The following LRRC37A2 variants were observed in gnomAD, a reference collection of about 807,000 sequenced individuals.
LRRC37A2 encodes leucine-rich repeat-containing protein 37A2.
Under a neutral mutation model 68.8 loss-of-function variants are expected in LRRC37A2, and 9 were observed. The ratio of observed to expected loss-of-function variants is 0.13; its 90% CI spans 0.08 to 0.23. LRRC37A2 has a LOEUF of 0.23. Ranked by LOEUF, LRRC37A2 falls within the 10% of genes least tolerant of loss-of-function variation. LRRC37A2 has a pLI of 1.00. For missense variants in LRRC37A2, 168 were observed against 950.4 expected, an observed-to-expected ratio of 0.18 and a Z score of 10.82; for synonymous variants, 63 against 367.6, an observed-to-expected ratio of 0.17 and a Z score of 9.48.
chr17:46,839,207 G>A, the LRRC37A2 span, among the ~76,000 whole-genome samples: 1 of 152,190 alleles, frequency 6.6e-6, no homozygotes, highest in Non-Finnish European at 1.5e-5. Flanking sequence ...ATTTCCAAGA[G>A]TTTCAAAGAT....
At chr17:46,824,604 G>A in the LRRC37A2 span, among the ~76,000 whole-genome samples, 15 of 152,194 alleles carry the variant, frequency 9.9e-5, no homozygotes, top group Non-Finnish European at 4.4e-5. Context: ...TATGTTGTCC[G>A]TCTCCAACTG....
the LRRC37A2 span, among the ~76,000 whole-genome samples, chr17:47,036,513 T>C: frequency 1.3e-5 from 2 of 152,232 alleles, no homozygotes; most frequent in Non-Finnish European, 2.9e-5. Flanking sequence ...TCAATTCTTA[T>C]AATTGTGTGA....
chr17:46,741,199 C>T, the LRRC37A2 span, among the ~76,000 whole-genome samples: 1 of 152,192 alleles, frequency 6.6e-6, no homozygotes, highest in Non-Finnish European at 1.5e-5. Context: ...CCAGGTTTCT[C>T]ATCTGCAAAA....
chr17:46,944,157 C>A, the LRRC37A2 span, among the ~76,000 whole-genome samples: 1 of 152,212 alleles, frequency 6.6e-6, no homozygotes, highest in Non-Finnish European at 1.5e-5. Flanking sequence ...AGGGGACATT[C>A]ATCTTTATTC....
At chr17:46,917,447 C>T in the LRRC37A2 span, among the ~76,000 whole-genome samples, 1 of 152,234 alleles carries the variant, frequency 6.6e-6, no homozygotes, top group African/African-American at 2.4e-5. Context: ...AGAGAATAAT[C>T]TCTGATTCAT....
the LRRC37A2 span, among the ~76,000 whole-genome samples, chr17:46,814,626 C>T: frequency 6.6e-6 from 1 of 152,228 alleles, no homozygotes; most frequent in African/African-American, 2.4e-5. Flanking sequence ...CTCCAGCTAG[C>T]TCAGCTCCTC....
At chr17:47,032,504 C>T in the LRRC37A2 span, among the ~76,000 whole-genome samples, 1 of 152,194 alleles carries the variant, frequency 6.6e-6, no homozygotes, top group Admixed American at 6.5e-5. Context: ...TGAATGATGA[C>T]AATTTGGCTT....
chr17:46,533,649 G>A (rs1490643648), intron 6 of LRRC37A2, among the ~76,000 whole-genome samples: 3 of 63,552 alleles, frequency 4.7e-5, no homozygotes, highest in Non-Finnish European at 7.4e-5. Context: ...CTGCAGGCAC[G>A]TAACACCACA....
the LRRC37A2 span, among the ~76,000 whole-genome samples, chr17:46,836,693 T>G: frequency 6.6e-6 from 1 of 152,198 alleles, no homozygotes; most frequent in Non-Finnish European, 1.5e-5. Context: ...AGAAAGTGAC[T>G]GGCCTTCCTG....
At chr17:46,541,663 TG>T (rs2055345683) in intron 8 of LRRC37A2, among the ~76,000 whole-genome samples, 1 of 150,886 alleles carries the variant, frequency 6.6e-6, no homozygotes, top group Non-Finnish European at 1.5e-5. Flanking sequence ...CAACGAACCA[TG>T]GATGGGGAAT....
chr17:46,977,974 T>C, the LRRC37A2 span, among the ~76,000 whole-genome samples: 1 of 152,242 alleles, frequency 6.6e-6, no homozygotes, highest in Non-Finnish European at 1.5e-5. Context: ...TAGAAAACGA[T>C]TCCCTTTGCC....
chr17:46,872,386 G>A, the LRRC37A2 span: 35 of 1,331,088 alleles, frequency 2.6e-5, no homozygotes, highest in African/African-American at 6.0e-5. Context: ...AAATGGGGAC[G>A]GGACCTCCAG....
At chr17:46,940,857 G>A in the LRRC37A2 span, 1 of 1,433,484 alleles carries the variant, frequency 7.0e-7, no homozygotes, top group Non-Finnish European at 9.1e-7. Context: ...ACACCCAGGG[G>A]CATTGAGACT....
At chr17:46,721,793 A>C in the LRRC37A2 span, 1 of 1,601,598 alleles carries the variant, frequency 6.2e-7, no homozygotes, top group Non-Finnish European at 8.6e-7. Flanking sequence ...GGCATCGTGC[A>C]CAGCTGTCAG....
At chr17:46,768,079 C>T in the LRRC37A2 span, among the ~76,000 whole-genome samples, 23 of 152,202 alleles carry the variant, frequency 1.5e-4, no homozygotes, top group African/African-American at 4.3e-4. The surrounding 1 kb of genome is among the most constrained non-coding windows in gnomAD (Gnocchi z 5.0). Context: ...TGAGCCACCG[C>T]ACCCGGCCAA....
chr17:46,771,997 CGCGCCCCGGGCTGCCCGACCCGCT>C, the LRRC37A2 span, among the ~76,000 whole-genome samples: 14 of 150,966 alleles, frequency 9.3e-5, no homozygotes, highest in Middle Eastern at 3.4e-3. Flanking sequence ...GCGGAAGACG[CGCGCCCCGGGCTGCCCGACCCGCT>C]GCGCCCCGGG....
At chr17:46,933,860 G>A in the LRRC37A2 span, among the ~76,000 whole-genome samples, 1 of 151,634 alleles carries the variant, frequency 6.6e-6, no homozygotes, top group African/African-American at 2.4e-5. Context: ...ACTACTCTCT[G>A]GAGCCTGAGG....
At chr17:46,764,963 T>C in the LRRC37A2 span, among the ~76,000 whole-genome samples, 2 of 152,238 alleles carry the variant, frequency 1.3e-5, no homozygotes, top group South Asian at 4.1e-4. Flanking sequence ...AGTCCCCAAC[T>C]CCAAGTCAAC....
chr17:46,721,751 A>G, the LRRC37A2 span: 40 of 1,604,442 alleles, frequency 2.5e-5, no homozygotes, highest in Middle Eastern at 4.1e-4. Context: ...CTTGCCCACA[A>G]TTTCGCTTGG....
Sources: allele counts gnomAD v4.1 joint callset (sites outside exome capture counted in the v4.1 genomes callset), GRCh38; gene constraint gnomAD v4.1.1; non-coding constraint Gnocchi (gnomAD v3.1); transcripts MANE v1.5; gene names NCBI Gene and HGNC (gene_info 2026-07-23, HGNC 2026-07-21).